RSPO2: variants seen among roughly 807,000 people sequenced by gnomAD.
RSPO2 encodes the protein R-spondin-2.
In RSPO2, 14 loss-of-function variants were observed where a neutral mutation model predicts 30.9. That is an observed-to-expected ratio of 0.45 (90% confidence interval 0.30 to 0.71). The LOEUF (loss-of-function observed/expected upper bound fraction) is 0.71, where lower values mean the gene tolerates loss of function less well. Among genes scored for constraint, RSPO2 ranks in the 30% least tolerant of loss-of-function variants. The pLI is 0.08. For missense variants in RSPO2, 264 were observed against 301.9 expected (o/e 0.87, Z 0.93); for synonymous variants, 107 against 96.4 (o/e 1.11, Z -0.64).
intron 3 of RSPO2, chr8:107,983,442 A>T: frequency 6.3e-7 from 1 of 1,598,562 alleles, no homozygotes; most frequent in Non-Finnish European, 8.6e-7. Flanking sequence ...TAGAGGATGC[A>T]GAGGGCCAGA....
At chr8:107,906,935 CTT>C (rs995727452) in intron 5 of RSPO2, among the ~76,000 whole-genome samples, 28 of 151,814 alleles carry the variant, frequency 1.8e-4, no homozygotes, top group African/African-American at 6.8e-4. Flanking sequence ...TAAATCTACT[CTT>C]TGCAATTTTC....
chr8:108,057,559 G>A (rs73307372), intron 2 of RSPO2, among the ~76,000 whole-genome samples: 2,582 of 152,002 alleles, frequency 0.017, 86 homozygotes, highest in African/African-American at 0.059. Context: ...ACTATGCAGG[G>A]GGTTATTACC....
chr8:107,919,777 C>T (rs1002076041), intron 5 of RSPO2, among the ~76,000 whole-genome samples: 1 of 152,050 alleles, frequency 6.6e-6, no homozygotes, highest in Non-Finnish European at 1.5e-5. Flanking sequence ...AAACTCTGAT[C>T]CCTGAATGCT....
At chr8:108,054,498 G>A (rs1812178547) in intron 2 of RSPO2, among the ~76,000 whole-genome samples, 1 of 152,158 alleles carries the variant, frequency 6.6e-6, no homozygotes, top group African/African-American at 2.4e-5. Context: ...CATTCCATGA[G>A]TCAAAACTCA....
intron 2 of RSPO2, among the ~76,000 whole-genome samples, chr8:108,031,553 C>T (rs2443782): frequency 0.42 from 63,494 of 151,976 alleles, 14,777 homozygotes; most frequent in African/African-American, 0.64. Context: ...ACGTAAGCAT[C>T]AAGTATCACC....
intron 5 of RSPO2, among the ~76,000 whole-genome samples, chr8:107,935,813 AT>A (rs35039484): frequency 0.53 from 81,047 of 151,722 alleles, 23,750 homozygotes; most frequent in East Asian, 0.7. Flanking sequence ...TGCAGACACC[AT>A]TTTTTTTAAA....
intron 5 of RSPO2, among the ~76,000 whole-genome samples, chr8:107,939,499 T>A (rs1166853242): frequency 7.6e-6 from 1 of 132,378 alleles, no homozygotes; most frequent in Non-Finnish European, 1.6e-5. Flanking sequence ...TTTTTTTTTT[T>A]AACATTAAGG....
chr8:108,048,305 C>T (rs967212653), intron 2 of RSPO2, among the ~76,000 whole-genome samples: 6 of 151,792 alleles, frequency 4.0e-5, no homozygotes, highest in African/African-American at 1.5e-4. Flanking sequence ...GGGAGTGGAG[C>T]TAAGCTGTCA....
intron 5 of RSPO2, among the ~76,000 whole-genome samples, chr8:107,927,334 A>G (rs942692086): frequency 2.0e-4 from 31 of 152,182 alleles, no homozygotes; most frequent in Admixed American, 6.5e-4. Flanking sequence ...CAATCATGTC[A>G]TCTGCAAACA....
intron 2 of RSPO2, among the ~76,000 whole-genome samples, chr8:108,075,521 C>T (rs1173174735): frequency 6.6e-6 from 1 of 151,774 alleles, no homozygotes; most frequent in African/African-American, 2.4e-5. Context: ...ACCAGTTTTC[C>T]CTACCATACC....
chr8:108,028,260 C>T (rs1811287290), intron 2 of RSPO2, among the ~76,000 whole-genome samples: 1 of 152,172 alleles, frequency 6.6e-6, no homozygotes, highest in South Asian at 2.1e-4. Flanking sequence ...ATCTTACCCC[C>T]TCACCTCACA....
chr8:108,049,650 G>A (rs1328970471), intron 2 of RSPO2, among the ~76,000 whole-genome samples: 4 of 151,912 alleles, frequency 2.6e-5, no homozygotes, highest in Admixed American at 2.0e-4. Flanking sequence ...GAGAACATGC[G>A]GTGTTTGGTT....
chr8:108,017,667 A>G (rs1374529197), intron 2 of RSPO2, among the ~76,000 whole-genome samples: 5 of 152,230 alleles, frequency 3.3e-5, no homozygotes, highest in Non-Finnish European at 7.3e-5. Context: ...TACAGGTCTG[A>G]CAGAACCATC....
At chr8:107,952,207 A>G (rs1813273423) in intron 5 of RSPO2, among the ~76,000 whole-genome samples, 1 of 152,030 alleles carries the variant, frequency 6.6e-6, no homozygotes, top group African/African-American at 2.4e-5. Context: ...CACCAACTTA[A>G]TAATTATACA....
intron 2 of RSPO2, among the ~76,000 whole-genome samples, chr8:108,064,217 G>C (rs538732592): frequency 6.6e-6 from 1 of 152,160 alleles, no homozygotes; most frequent in East Asian, 1.9e-4. Flanking sequence ...CACAGCAAAA[G>C]AAACTACCAT....
intron 3 of RSPO2, among the ~76,000 whole-genome samples, chr8:107,988,281 TA>T (rs967648949): frequency 6.4e-4 from 96 of 150,640 alleles, no homozygotes; most frequent in African/African-American, 1.8e-3. Context: ...TAATGGTACT[TA>T]AAAAAAAACA....
chr8:108,001,842 A>G (rs1815257783), intron 2 of RSPO2, among the ~76,000 whole-genome samples: 1 of 152,188 alleles, frequency 6.6e-6, no homozygotes, highest in African/African-American at 2.4e-5. Context: ...AGGAAAACAC[A>G]TGGACACAGA....
chr8:107,989,160 A>G lies in RSPO2; in HGVS notation c.179T>C (p.Phe60Ser). The G allele has an allele frequency of 6.2e-7, 1 of 1,612,582 alleles. No individual in the cohort carries two copies. Among genetic ancestry groups the G allele is most frequent in the Non-Finnish European group, 8.5e-7 (1 of 1,179,548 alleles). ...CATCCCTTCTCTTCGAAGGAAGAAG[A>G]ACAACTTCTGTTGACATCGGCTACA... Reference protein sequence around the residue: ...NGCSRCQQKLFFFLRREGMRQ... With the variant: ...NGCSRCQQKLSFFLRREGMRQ... Residue 60 changes from phenylalanine (F) to serine (S), a missense_variant, in exon 3 of 6, where the codon TTC becomes TCC. Phe to Ser is a radical substitution (Grantham distance 155). Coordinates refer to ENST00000276659, the MANE Select transcript of RSPO2 (RefSeq NM_178565.5).
chr8:107,967,170 G>A (rs1019347799), intron 3 of RSPO2, among the ~76,000 whole-genome samples: 1 of 152,146 alleles, frequency 6.6e-6, no homozygotes, highest in Non-Finnish European at 1.5e-5. Flanking sequence ...GCTAAAATAT[G>A]AATAGAAATT....
Sources: allele counts gnomAD v4.1 joint callset (sites outside exome capture counted in the v4.1 genomes callset), GRCh38; gene constraint gnomAD v4.1.1; transcripts MANE v1.5; gene names NCBI Gene and HGNC (gene_info 2026-07-23, HGNC 2026-07-21).